The following MLLT1 variants were observed in gnomAD, a reference collection of about 807,000 sequenced individuals.
The protein encoded by MLLT1 is MLLT1 super elongation complex subunit, also known as protein ENL.
In MLLT1, 11 loss-of-function variants were observed where a neutral mutation model predicts 55.1. The ratio of observed to expected loss-of-function variants is 0.20; its 90% CI spans 0.13 to 0.33. MLLT1 has a LOEUF of 0.33. Ranked by LOEUF, MLLT1 falls within the 10% of genes least tolerant of loss-of-function variation. MLLT1 has a pLI of 1.00. For missense variants in MLLT1, 536 were observed against 760.6 expected, an observed-to-expected ratio of 0.70 and a Z score of 3.47; for synonymous variants, 323 against 320.1, an observed-to-expected ratio of 1.01 and a Z score of -0.10.
Position 6,270,691 on chromosome 19 carries a change from C to G in MLLT1, c.81G>C (p.Gly27=). The G allele has an allele frequency of 6.2e-7, 1 of 1,614,130 alleles. No homozygotes were observed. The highest frequency in any genetic ancestry group is 1.1e-5 in the South Asian group (1 of 91,080). The stretch of plus-strand genomic sequence containing the variant: ...CAAACACCATCCAGTCGTGAGTGAA[C>G]CCCTCCGTGGTGGGCTTCTTGCGCA... ...AQLRKKPTTE[G]FTHDWMVFVR... The change falls in exon 2 of 12, where the codon GGG becomes GGC. Residue 27 remains glycine (G), a synonymous_variant. Transcript: ENST00000252674. The surrounding 1 kb of genome is among the most constrained non-coding windows in gnomAD (Gnocchi z 7.1).
Position 6,230,157 on chromosome 19 carries a change from C to A in MLLT1, c.420+413G>T, listed in dbSNP as rs1406701204. The stretch of plus-strand genomic sequence containing the variant: ...CACACGACTCCTGGAGAGCCCTGGT[C>A]CCAGAGCTGGCACTGTCGTCTGGCC... On this transcript the variant is annotated intron_variant, in intron 4 of 11. Transcript: ENST00000252674. This position sits in a 1 kb window ranked among gnomAD's most constrained non-coding sequence, Gnocchi z 9.0. 3.3e-5 allele frequency among the ~76,000 whole-genome samples: 5 copies of A among 152,198 alleles called. No homozygotes were observed. Among genetic ancestry groups the A allele is most frequent in the Non-Finnish European group, 7.3e-5 (5 of 68,032 alleles).
At chr19:6,253,518 T>C (rs375311772) in intron 3 of MLLT1, among the ~76,000 whole-genome samples, 51 of 152,064 alleles carry the variant, frequency 3.4e-4, no homozygotes, top group African/African-American at 1.0e-3. Flanking sequence ...CAGACAAAGA[T>C]ACCACAAGAA....
intron 8 of MLLT1, among the ~76,000 whole-genome samples, chr19:6,215,444 G>T (rs534861958): frequency 1.3e-5 from 2 of 152,292 alleles, no homozygotes; most frequent in East Asian, 3.9e-4. Context: ...TGTCGGAGTC[G>T]TGGGCCCGGA....
At chr19:6,255,778 T>C (rs1600207072) in intron 3 of MLLT1, among the ~76,000 whole-genome samples, 1 of 152,188 alleles carries the variant, frequency 6.6e-6, no homozygotes, top group Non-Finnish European at 1.5e-5. Context: ...CAAACTCATA[T>C]GGAAGAGGGA....
intron 3 of MLLT1, among the ~76,000 whole-genome samples, chr19:6,234,903 C>CAA (rs3036307): frequency 1.8e-4 from 24 of 132,034 alleles, no homozygotes; most frequent in African/African-American, 6.2e-4. Context: ...AACAAACAAA[C>CAA]AAAAAAAAAA....
At chr19:6,228,785 G>A (rs1428700404) in intron 4 of MLLT1, among the ~76,000 whole-genome samples, 1 of 152,152 alleles carries the variant, frequency 6.6e-6, no homozygotes, top group African/African-American at 2.4e-5. Flanking sequence ...TCCAGGGCAA[G>A]CCCTGGAGGC....
chr19:6,274,198 G>A (rs1055963788), intron 1 of MLLT1, among the ~76,000 whole-genome samples: 1 of 152,218 alleles, frequency 6.6e-6, no homozygotes, highest in Admixed American at 6.5e-5. Flanking sequence ...GGCACTCCCC[G>A]GAAGGGTGGA....
rs578259746 is a variant in MLLT1 at position 6,213,854 on chromosome 19, G to A, written c.1408-57C>T. ...GGCCCACACCCTCCCCAGCCCCGAA[G>A]GCCCCACAAACCCTCCTAGGACAGC... On this transcript the variant is annotated intron_variant, in intron 9 of 11. Coordinates refer to ENST00000252674, the MANE Select transcript of MLLT1 (RefSeq NM_005934.4). 2,662 of 1,593,788 alleles carry A rather than the reference G, an allele frequency of 1.7e-3. 14 individuals are homozygous for A. The highest frequency in any genetic ancestry group is 0.015 in the Middle Eastern group (90 of 5,980).
intron 2 of MLLT1, among the ~76,000 whole-genome samples, chr19:6,269,315 C>G (rs1362696865): frequency 1.3e-5 from 2 of 152,242 alleles, no homozygotes; most frequent in African/African-American, 4.8e-5. Context: ...GAGAAGAAAA[C>G]GCGATCCTGC....
chr19:6,236,390 A>C (rs1285168001), intron 3 of MLLT1, among the ~76,000 whole-genome samples: 1 of 152,170 alleles, frequency 6.6e-6, no homozygotes, highest in African/African-American at 2.4e-5. Flanking sequence ...GCAGCAGCAG[A>C]GCCAGCGCAC....
In MLLT1 at chr19:6,229,257, C is replaced by T. The variant is rs1035440925; in HGVS notation, c.420+1313G>A. Among the ~76,000 whole-genome samples the T allele has an allele frequency of 7.9e-5, 12 of 152,312 alleles. No individual in the cohort carries two copies. Among genetic ancestry groups the T allele is most frequent in the Admixed American group, 2.0e-4 (3 of 15,312 alleles). Reference sequence around the variant, plus strand: ...CCTCAGGCCACCCAGCACTCAGCCACGCCATCCACATAGGCCCACGCCGGC... The same window carrying T: ...CCTCAGGCCACCCAGCACTCAGCCATGCCATCCACATAGGCCCACGCCGGC... On this transcript the variant is annotated intron_variant, in intron 4 of 11. Coordinates refer to ENST00000252674, the MANE Select transcript of MLLT1 (RefSeq NM_005934.4). This position sits in a 1 kb window ranked among gnomAD's most constrained non-coding sequence, Gnocchi z 5.2.
chr19:6,244,116 T>C (rs1353451551), intron 3 of MLLT1, among the ~76,000 whole-genome samples: 1 of 149,184 alleles, frequency 6.7e-6, no homozygotes, highest in Admixed American at 6.7e-5. Flanking sequence ...TCTAACTGGG[T>C]CCCCGTGACA....
chr19:6,223,558 C>T (rs1457438179), intron 5 of MLLT1, among the ~76,000 whole-genome samples: 4 of 152,198 alleles, frequency 2.6e-5, no homozygotes, highest in Admixed American at 2.0e-4. Context: ...TCTGTGCCTG[C>T]TTCCTCGAGG....
At chr19:6,243,136 G>A (rs2091131383) in intron 3 of MLLT1, among the ~76,000 whole-genome samples, 1 of 152,224 alleles carries the variant, frequency 6.6e-6, no homozygotes, top group Non-Finnish European at 1.5e-5. Context: ...AAGTCTGCTG[G>A]GAACGTAAAG....
In MLLT1 at chr19:6,229,703, CCA is replaced by C. The variant is rs763087129; in HGVS notation, c.420+865_420+866del. Among the ~76,000 whole-genome samples the C allele has an allele frequency of 3.9e-5, 6 of 151,950 alleles. No individual in the cohort carries two copies. Among genetic ancestry groups the C allele is most frequent in the East Asian group, 1.9e-4 (1 of 5,184 alleles). ...ACACACACGCCCCACACCCGTGACACCACACACCACACCCCTACATGCCACAC... is the reference window on the plus strand; with the variant it reads ...ACACACACGCCCCACACCCGTGACACCACACCACACCCCTACATGCCACAC... On this transcript the variant is annotated intron_variant, in intron 4 of 11. Coordinates refer to ENST00000252674, the MANE Select transcript of MLLT1 (RefSeq NM_005934.4). This position sits in a 1 kb window ranked among gnomAD's most constrained non-coding sequence, Gnocchi z 5.2.
intron 8 of MLLT1, among the ~76,000 whole-genome samples, chr19:6,215,137 C>T (rs894643474): frequency 2.6e-5 from 4 of 151,770 alleles, no homozygotes; most frequent in African/African-American, 9.7e-5. Context: ...GCAGAAGCTC[C>T]GACGGTGTGG....
At chr19:6,213,902 C>A in intron 9 of MLLT1, 37 bp downstream of exon 9, 1 of 1,491,468 alleles carries the variant, frequency 6.7e-7, no homozygotes, top group South Asian at 1.3e-5. Flanking sequence ...TAAGCCCGGC[C>A]TCTGGTGCAC....
Position 6,244,043 on chromosome 19 carries a change from CAAAAA to C in MLLT1, c.277-13335_277-13331del, listed in dbSNP as rs1179461309. 6.6e-5 allele frequency among the ~76,000 whole-genome samples: 3 copies of C among 45,172 alleles called. No individual in the cohort carries two copies. The East Asian group carries it at 2.2e-3, about 33-fold the overall frequency. The allele number at this position is 45,172 out of a possible 152,430, so 29.6% of individuals were successfully genotyped here. A position where few individuals can be genotyped will look rare whatever the true frequency, so the allele number is the denominator to read the frequency against. Reference sequence around the variant, plus strand: ...TGGGTGACAGAGCAAGACTCCACCTCAAAAAAAAAAAAAAAAAAAAAAGAAGTCAA... The same window carrying C: ...TGGGTGACAGAGCAAGACTCCACCTCAAAAAAAAAAAAAAAAAGAAGTCAA... On this transcript the variant is annotated intron_variant, in intron 3 of 11. Coordinates refer to ENST00000252674, the MANE Select transcript of MLLT1 (RefSeq NM_005934.4).
chr19:6,248,892 G>C (rs924371091), intron 3 of MLLT1, among the ~76,000 whole-genome samples: 1 of 152,168 alleles, frequency 6.6e-6, no homozygotes, highest in African/African-American at 2.4e-5. Flanking sequence ...TACTATCTTT[G>C]CAGCTCTTCT....
Sources: gnomAD v4.1 joint callset for allele counts (sites outside exome capture counted in the v4.1 genomes callset) on GRCh38, gnomAD v4.1.1 for gene constraint, Gnocchi (gnomAD v3.1) non-coding constraint, MANE v1.5 for transcripts, NCBI Gene and HGNC (gene_info 2026-07-23, HGNC 2026-07-21) for gene names.